The following KIF6 variants were observed in gnomAD, a reference collection of about 807,000 sequenced individuals.
KIF6 encodes the protein kinesin family member 6.
A neutral mutation model predicts 112.7 loss-of-function variants in KIF6; 106 were observed. The ratio of observed to expected loss-of-function variants is 0.94; its 90% CI spans 0.80 to 1.11. The LOEUF (loss-of-function observed/expected upper bound fraction) is 1.11. Among genes scored for constraint, KIF6 ranks in the 50% least tolerant of loss-of-function variants. The pLI is 0.00. For synonymous variants in KIF6, 339 were observed against 339.9 expected (o/e 1.00, Z 0.03); for missense variants, 929 against 964.0 (o/e 0.96, Z 0.48).
At chr6:39,467,502 A>C (rs1773862058) in intron 13 of KIF6, among the ~76,000 whole-genome samples, 1 of 152,120 alleles carries the variant, frequency 6.6e-6, no homozygotes, top group Non-Finnish European at 1.5e-5. Context: ...GAAAAAAAAA[A>C]CACAGAGAGA....
At chr6:39,411,249 C>T (rs922450965) in intron 15 of KIF6, among the ~76,000 whole-genome samples, 2 of 152,202 alleles carry the variant, frequency 1.3e-5, no homozygotes, top group African/African-American at 4.8e-5. Context: ...TGAGGGAGGC[C>T]TGGAGGCAGA....
intron 13 of KIF6, among the ~76,000 whole-genome samples, chr6:39,459,889 G>A (rs371582335): frequency 0.034 from 1,239 of 36,808 alleles, 49 homozygotes; most frequent in East Asian, 0.18. Context: ...TGCTGGAGAG[G>A]ATGTGGAGAA....
chr6:39,557,989 G>A (rs1466123838), intron 10 of KIF6, among the ~76,000 whole-genome samples: 1 of 150,156 alleles, frequency 6.7e-6, no homozygotes, highest in African/African-American at 2.4e-5. Flanking sequence ...AATGCGAATT[G>A]TTCACAAAAT....
At chr6:39,336,620 G>A (rs866338222) in intron 22 of KIF6, 72 bp from the exon 23 acceptor site, 18 of 1,415,298 alleles carry the variant, frequency 1.3e-5, no homozygotes, top group South Asian at 5.7e-5. Context: ...ATTGAATCGG[G>A]GGGAGGGGAG....
chr6:39,579,666 A>G (rs1053429965), intron 9 of KIF6, among the ~76,000 whole-genome samples: 1 of 152,096 alleles, frequency 6.6e-6, no homozygotes, highest in East Asian at 1.9e-4. Context: ...ATAGGAATAT[A>G]TTCTTATATG....
chr6:39,570,093 G>A (rs1419264391), intron 10 of KIF6, among the ~76,000 whole-genome samples: 1 of 152,126 alleles, frequency 6.6e-6, no homozygotes, highest in Non-Finnish European at 1.5e-5. Context: ...AATTCTGTGT[G>A]GGTTTTATAA....
intron 5 of KIF6, among the ~76,000 whole-genome samples, chr6:39,616,978 G>A (rs1205153171): frequency 6.6e-6 from 1 of 151,932 alleles, no homozygotes; most frequent in Non-Finnish European, 1.5e-5. Context: ...CTACCACTTG[G>A]TTCTGACTGT....
At chr6:39,545,523 T>C in intron 11 of KIF6, 60 bp downstream of exon 11, 1 of 1,319,586 alleles carries the variant, frequency 7.6e-7, no homozygotes, top group East Asian at 2.3e-5. Context: ...ACTAGAAAAG[T>C]TTTTTTGCAG....
At chr6:39,525,623 T>C (rs1209971363) in intron 13 of KIF6, among the ~76,000 whole-genome samples, 2 of 151,816 alleles carry the variant, frequency 1.3e-5, no homozygotes, top group Non-Finnish European at 2.9e-5. Context: ...GGCATGGTGG[T>C]GGGTACCTAT....
In KIF6 at chr6:39,606,885, C is replaced by T. The variant is rs544154123; in HGVS notation, c.639+6304G>A. Among the ~76,000 whole-genome samples, 8 of 152,312 alleles carry T rather than the reference C, an allele frequency of 5.3e-5. 1 individual carries two copies. The South Asian group carries it at 1.7e-3, about 32-fold the overall frequency. ...GGATTTGCATTTGAGAATTGTGACCCTTTCTTTAAAGGGAAACTCTATCCT... is the reference window on the plus strand; with the variant it reads ...GGATTTGCATTTGAGAATTGTGACCTTTTCTTTAAAGGGAAACTCTATCCT... On this transcript the variant is annotated intron_variant, in intron 6 of 22. Coordinates refer to ENST00000287152, the MANE Select transcript of KIF6 (RefSeq NM_145027.6).
intron 13 of KIF6, among the ~76,000 whole-genome samples, chr6:39,481,275 T>G (rs1324400235): frequency 6.6e-6 from 1 of 152,026 alleles, no homozygotes; most frequent in Non-Finnish European, 1.5e-5. Flanking sequence ...CAGGTGGTAA[T>G]GGAACAGATA....
At chr6:39,511,473 A>G (rs1459851662) in intron 13 of KIF6, among the ~76,000 whole-genome samples, 2 of 152,220 alleles carry the variant, frequency 1.3e-5, no homozygotes, top group Admixed American at 1.3e-4. Flanking sequence ...GAGAAACAGG[A>G]AAACTTTTAC....
intron 1 of KIF6, among the ~76,000 whole-genome samples, chr6:39,721,406 C>A (rs1351298577): frequency 1.3e-5 from 2 of 152,152 alleles, no homozygotes; most frequent in Non-Finnish European, 2.9e-5. Context: ...AACTCAGCCA[C>A]TAATTAGCAA....
chr6:39,474,361 G>T (rs1774302337), intron 13 of KIF6, among the ~76,000 whole-genome samples: 1 of 152,148 alleles, frequency 6.6e-6, no homozygotes, highest in African/African-American at 2.4e-5. Context: ...TGTTAGGATT[G>T]TCTTCAGTCG....
chr6:39,588,218 C>CATTT (rs746836108), intron 7 of KIF6, among the ~76,000 whole-genome samples: 1 of 151,948 alleles, frequency 6.6e-6, no homozygotes, highest in East Asian at 1.9e-4. Context: ...TTATTTAATT[C>CATTT]ATTTATTTAT....
intron 19 of KIF6, among the ~76,000 whole-genome samples, chr6:39,349,631 C>CTTTGTTTTTTTT (rs1764068844): frequency 1.5e-5 from 1 of 64,544 alleles, no homozygotes; most frequent in African/African-American, 6.5e-5. Flanking sequence ...ATTTGTGGCT[C>CTTTGTTTTTTTT]TTTTTTTTTT....
rs577985566 is a variant in KIF6 at position 39,541,518 on chromosome 6, C to A, written c.1427-1297G>T. Among the ~76,000 whole-genome samples the A allele has an allele frequency of 3.9e-5, 6 of 152,364 alleles. No homozygotes were observed. The East Asian group carries it at 1.2e-3, about 29-fold the overall frequency. On this transcript the variant is annotated intron_variant, in intron 12 of 22. Coordinates refer to ENST00000287152, the MANE Select transcript of KIF6 (RefSeq NM_145027.6). ...AATATCCATCGACTCCATCGACTCA[C>A]TCATTCAGTGATATTTGTTGGAGCT... is the stretch of plus-strand genomic sequence containing the variant.
At chr6:39,597,872 A>C (rs555354837) in intron 6 of KIF6, among the ~76,000 whole-genome samples, 17 of 152,170 alleles carry the variant, frequency 1.1e-4, no homozygotes, top group Non-Finnish European at 2.4e-4. Context: ...ATTAATAATA[A>C]ATAAAGGACT....
At chr6:39,538,986 A>G (rs1254519674) in intron 13 of KIF6, among the ~76,000 whole-genome samples, 1 of 148,904 alleles carries the variant, frequency 6.7e-6, no homozygotes, top group Non-Finnish European at 1.5e-5. Flanking sequence ...CAAACACTGC[A>G]TGTTCTCACT....
Sources: allele counts gnomAD v4.1 joint callset (sites outside exome capture counted in the v4.1 genomes callset), GRCh38; gene constraint gnomAD v4.1.1; transcripts MANE v1.5; gene names NCBI Gene and HGNC (gene_info 2026-07-23, HGNC 2026-07-21).